Variants in ARHGAP20 observed in about 807,000 individuals in gnomAD.
The protein encoded by ARHGAP20 is rho GTPase-activating protein 20.
ARHGAP20 carries 34 observed loss-of-function variants against 73.7 expected under a neutral mutation model. That is an observed-to-expected ratio of 0.46 (90% CI 0.35 to 0.61). ARHGAP20 has a LOEUF of 0.61. Among genes scored for constraint, ARHGAP20 ranks in the 20% least tolerant of loss-of-function variants. The pLI is 0.00. For missense variants in ARHGAP20, 1,314 were observed against 1,420.9 expected (o/e 0.92, Z 1.21); for synonymous variants, 523 against 518.2 (o/e 1.01, Z -0.13).
intron 2 of ARHGAP20, among the ~76,000 whole-genome samples, chr11:110,647,576 C>T (rs1050745588): frequency 7.9e-5 from 12 of 151,992 alleles, no homozygotes; most frequent in African/African-American, 2.7e-4. Flanking sequence ...TTTATGTTAA[C>T]AACATATTTT....
chr11:110,687,639 A>G (rs1950162472), intron 2 of ARHGAP20, among the ~76,000 whole-genome samples: 1 of 152,190 alleles, frequency 6.6e-6, no homozygotes, highest in Non-Finnish European at 1.5e-5. Flanking sequence ...TTGTTATATA[A>G]AAGTCTATAT....
At chr11:110,627,839 T>A (rs1195379690) in intron 3 of ARHGAP20, among the ~76,000 whole-genome samples, 3 of 152,194 alleles carry the variant, frequency 2.0e-5, no homozygotes, top group African/African-American at 7.2e-5. Flanking sequence ...ATCCTGGTTT[T>A]TAAAAAAGAA....
chr11:110,590,312 T>A (rs1490187292), intron 11 of ARHGAP20, among the ~76,000 whole-genome samples: 1 of 152,184 alleles, frequency 6.6e-6, no homozygotes, highest in Non-Finnish European at 1.5e-5. Flanking sequence ...AGTGAGGAAA[T>A]CATAAGCAGG....
At chr11:110,639,250 C>T (rs1949032017) in intron 2 of ARHGAP20, among the ~76,000 whole-genome samples, 1 of 146,120 alleles carries the variant, frequency 6.8e-6, no homozygotes, top group South Asian at 2.2e-4. Context: ...CCCCCCCCCA[C>T]AAGAGTTTTA....
chr11:110,700,943 T>G (rs1243134612), intron 1 of ARHGAP20, among the ~76,000 whole-genome samples: 1 of 151,578 alleles, frequency 6.6e-6, no homozygotes, highest in Admixed American at 6.6e-5. Context: ...GGCTGCATAG[T>G]ATTCCATGGT....
rs1318241830 is a variant in ARHGAP20 at position 110,686,791 on chromosome 11, C to T, written c.188+3756G>A. ...ATATCTGTATCCCACTCCAGAATAC[C>T]GAATTAGAAAGGCTTAGGAATCACT... On this transcript the variant is annotated intron_variant, in intron 2 of 14. Transcript: ENST00000683387. Among the ~76,000 whole-genome samples, 39 of 151,810 alleles carry T rather than the reference C, an allele frequency of 2.6e-4. 1 individual carries two copies. The highest frequency in any genetic ancestry group is 1.5e-5 in the Non-Finnish European group (1 of 67,926).
In ARHGAP20 at chr11:110,668,374, G is replaced by A. The variant is rs76632943; in HGVS notation, c.188+22173C>T. 1.4e-3 allele frequency among the ~76,000 whole-genome samples: 210 copies of A among 152,340 alleles called. 4 individuals carry two copies. In the East Asian group the frequency reaches 0.025, roughly 18 times the overall value. ...TTTTAAAGTTATAATGCTGGACTGGGTGTGGTGGCTCACACCTGTAATCCC... is the reference window on the plus strand; with the variant it reads ...TTTTAAAGTTATAATGCTGGACTGGATGTGGTGGCTCACACCTGTAATCCC... On this transcript the variant is annotated intron_variant, in intron 2 of 14. Coordinates refer to ENST00000683387, the MANE Select transcript of ARHGAP20 (RefSeq NM_001384657.1).
At chr11:110,613,611 C>T (rs1169212914) in intron 6 of ARHGAP20, among the ~76,000 whole-genome samples, 1 of 152,122 alleles carries the variant, frequency 6.6e-6, no homozygotes, top group Non-Finnish European at 1.5e-5. Flanking sequence ...CTGAATGTAA[C>T]CAACTGCCAC....
intron 2 of ARHGAP20, among the ~76,000 whole-genome samples, chr11:110,643,356 C>T (rs540885597): frequency 6.6e-5 from 10 of 152,050 alleles, no homozygotes; most frequent in South Asian, 2.1e-4. Flanking sequence ...CTAGATGTGA[C>T]GTTAGATTGT....
At chr11:110,630,901 G>A in intron 2 of ARHGAP20, 109 bp from the exon 3 acceptor site, 1 of 1,099,292 alleles carries the variant, frequency 9.1e-7, no homozygotes. Context: ...ATCCTAACTG[G>A]TCATGAGTCT....
At chr11:110,705,637 A>G (rs1950539719) in intron 1 of ARHGAP20, among the ~76,000 whole-genome samples, 1 of 152,196 alleles carries the variant, frequency 6.6e-6, no homozygotes, top group Non-Finnish European at 1.5e-5. Context: ...CCATGGTAAA[A>G]TGCACTATGT....
Position 110,712,118 on chromosome 11 carries a change from C to A in ARHGAP20, c.105+9G>T. On this transcript the variant is annotated intron_variant, in intron 1 of 14. Transcript: ENST00000683387. Reference sequence around the variant, plus strand: ...GCGGAGGGCACGGGCCCCCGCTCAGCGTCCTCACCTTCTTGGTGCAGCTGC... The same window carrying A: ...GCGGAGGGCACGGGCCCCCGCTCAGAGTCCTCACCTTCTTGGTGCAGCTGC... 1 of 1,329,002 alleles carries A rather than the reference C, an allele frequency of 7.5e-7. No homozygotes were observed. The highest frequency in any genetic ancestry group is 2.6e-5 in the South Asian group (1 of 38,804). 82.3% of individuals were successfully genotyped at this position (1,329,002 alleles called of 1,614,324 possible).
At position 110,648,192 on chromosome 11, in the gene ARHGAP20, AATAT is replaced by A. The variant is rs1367387535; in HGVS notation, c.189-17404_189-17401del. ...ATGTAAATATATATATATATATGTA[AATAT>A]ATATATATATGTAAATATATATATG... On this transcript the variant is annotated intron_variant, in intron 2 of 14. Transcript: ENST00000683387. Among the ~76,000 whole-genome samples, 129 of 120,268 alleles carry A rather than the reference AATAT, an allele frequency of 1.1e-3. 1 individual carries two copies. Among genetic ancestry groups the A allele is most frequent in the African/African-American group, 4.4e-3 (123 of 28,224 alleles). The allele number at this position is 120,268 out of a possible 152,430, so 78.9% of individuals were successfully genotyped here.
chr11:110,688,179 A>G (rs538071732), intron 2 of ARHGAP20, among the ~76,000 whole-genome samples: 2 of 152,254 alleles, frequency 1.3e-5, no homozygotes, highest in South Asian at 4.1e-4. Flanking sequence ...GCTTTCCATG[A>G]TGCCTAGTAT....
At chr11:110,676,424 T>A (rs938553647) in intron 2 of ARHGAP20, among the ~76,000 whole-genome samples, 6 of 152,132 alleles carry the variant, frequency 3.9e-5, no homozygotes, top group African/African-American at 1.4e-4. Flanking sequence ...GAAGCAAACA[T>A]GTCCTTCTTT....
At chr11:110,630,446 A>C (rs1315977293) in intron 3 of ARHGAP20, among the ~76,000 whole-genome samples, 182 bp downstream of exon 3, 1 of 151,748 alleles carries the variant, frequency 6.6e-6, no homozygotes, top group Non-Finnish European at 1.5e-5. Flanking sequence ...GACCTAAATA[A>C]ACACTTGTTG....
At chr11:110,602,675 T>C (rs1948138214) in intron 9 of ARHGAP20, among the ~76,000 whole-genome samples, 1 of 152,180 alleles carries the variant, frequency 6.6e-6, no homozygotes, top group Non-Finnish European at 1.5e-5. Flanking sequence ...ATTATCAGCC[T>C]TTTAGTGAGA....
chr11:110,587,042 C>T (rs1947687698), intron 11 of ARHGAP20, among the ~76,000 whole-genome samples: 1 of 152,188 alleles, frequency 6.6e-6, no homozygotes, highest in Non-Finnish European at 1.5e-5. Context: ...CCCTATTCTA[C>T]TGAGACCACT....
chr11:110,701,916 T>G (rs375726328), intron 1 of ARHGAP20, among the ~76,000 whole-genome samples: 3 of 152,086 alleles, frequency 2.0e-5, no homozygotes, highest in Non-Finnish European at 2.9e-5. Flanking sequence ...TATTTCTGAG[T>G]GCTCTGTTCT....
Sources: allele counts gnomAD v4.1 joint callset (sites outside exome capture counted in the v4.1 genomes callset), GRCh38; gene constraint gnomAD v4.1.1; transcripts MANE v1.5; gene names NCBI Gene and HGNC (gene_info 2026-07-23, HGNC 2026-07-21).